Variants in MTMR3 observed in about 807,000 individuals in gnomAD.
The protein encoded by MTMR3 is myotubularin related protein 3.
In MTMR3, 32 loss-of-function variants were observed where a neutral mutation model predicts 132.4. That is an observed-to-expected ratio of 0.24 (90% CI 0.18 to 0.32). The LOEUF is 0.32. MTMR3 is among the 10% of genes least tolerant of loss of function. MTMR3 has a pLI of 1.00. For missense variants in MTMR3, 1,216 were observed against 1,489.6 expected, an observed-to-expected ratio of 0.82 and a Z score of 3.02; for synonymous variants, 556 against 550.3, an observed-to-expected ratio of 1.01 and a Z score of -0.14.
intron 1 of MTMR3, among the ~76,000 whole-genome samples, chr22:29,905,849 A>G (rs2065083399): frequency 6.6e-6 from 1 of 152,218 alleles, no homozygotes; most frequent in African/African-American, 2.4e-5. Flanking sequence ...AAACACTTGC[A>G]AAAGCATATT....
chr22:29,923,299 C>G (rs1463995200), intron 1 of MTMR3, among the ~76,000 whole-genome samples: 2 of 151,222 alleles, frequency 1.3e-5, no homozygotes, highest in Admixed American at 6.6e-5. Flanking sequence ...GTCTCAATCT[C>G]CTGGCCTTGT....
intron 5 of MTMR3, chr22:29,982,861 C>T (rs1341142121): frequency 2.0e-5 from 3 of 151,774 alleles, no homozygotes; most frequent in African/African-American, 7.3e-5. Context: ...TATATATTTA[C>T]AGACATAGTT....
At chr22:29,889,842 A>G (rs1007860467) in intron 1 of MTMR3, among the ~76,000 whole-genome samples, 4 of 151,780 alleles carry the variant, frequency 2.6e-5, no homozygotes, top group Admixed American at 1.3e-4. Context: ...TACTGTGATG[A>G]ACTCGTTTGG....
intron 11 of MTMR3, chr22:30,008,760 T>G: frequency 2.7e-6 from 1 of 370,260 alleles, no homozygotes; most frequent in South Asian, 4.9e-5. Flanking sequence ...TTTTAAAAAA[T>G]AATAGCTTTT....
chr22:29,962,905 T>C (rs2066339247), intron 2 of MTMR3, among the ~76,000 whole-genome samples: 1 of 140,484 alleles, frequency 7.1e-6, no homozygotes, highest in Admixed American at 6.9e-5. Flanking sequence ...CTTTCTCTCT[T>C]TTTTCTTTTT....
chr22:29,958,519 A>G (rs1379331464), intron 2 of MTMR3, among the ~76,000 whole-genome samples: 1 of 151,812 alleles, frequency 6.6e-6, no homozygotes, highest in Non-Finnish European at 1.5e-5. Flanking sequence ...ATACTCTCCA[A>G]GGTGCTTTTT....
At chr22:30,025,219 T>A (rs563473212) in intron 19 of MTMR3, 147 of 172,390 alleles carry the variant, frequency 8.5e-4, no homozygotes, top group Non-Finnish European at 1.6e-3. Context: ...TAGTTGTTTC[T>A]CTCGTTTGAG....
chr22:30,016,846 G>A, intron 15 of MTMR3, 148 bp downstream of exon 15: 1 of 935,530 alleles, frequency 1.1e-6, no homozygotes, highest in Non-Finnish European at 1.6e-6. Flanking sequence ...CCATGATTCT[G>A]TCCTGAGGAA....
At chr22:29,921,953 A>C (rs969442875) in intron 1 of MTMR3, among the ~76,000 whole-genome samples, 1 of 151,666 alleles carries the variant, frequency 6.6e-6, no homozygotes, top group African/African-American at 2.4e-5. Context: ...GGTTGAAGCA[A>C]ATTCTTGTGC....
At chr22:30,005,559 G>T (rs961022473) in intron 9 of MTMR3, 36 of 152,144 alleles carry the variant, frequency 2.4e-4, no homozygotes, top group African/African-American at 8.4e-4. Context: ...ATTTTATAAA[G>T]AATCATTGAG....
intron 1 of MTMR3, among the ~76,000 whole-genome samples, chr22:29,933,903 A>G (rs1602504980): frequency 6.6e-6 from 1 of 151,846 alleles, no homozygotes; most frequent in South Asian, 2.1e-4. Context: ...CTTTCTTACC[A>G]CCTCTCAATG....
At chr22:29,966,724 TGC>T (rs1250146881) in intron 2 of MTMR3, among the ~76,000 whole-genome samples, 1 of 95,392 alleles carries the variant, frequency 1.0e-5, no homozygotes, top group African/African-American at 5.3e-5. Context: ...TGTAGGGGTG[TGC>T]GTGTGTGTGT....
intron 1 of MTMR3, among the ~76,000 whole-genome samples, chr22:29,906,346 A>G (rs374427956): frequency 1.1e-4 from 17 of 149,812 alleles, no homozygotes; most frequent in African/African-American, 2.7e-4. Flanking sequence ...CTATCTATCT[A>G]TCTATGACGG....
At chr22:30,023,193 C>T in intron 19 of MTMR3, 2 of 513,904 alleles carry the variant, frequency 3.9e-6, no homozygotes, top group Non-Finnish European at 7.0e-6. Flanking sequence ...ACTTCTTTTT[C>T]CTTCTGGGTT....
chr22:30,025,423 C>T (rs1386054024), intron 19 of MTMR3: 4 of 588,686 alleles, frequency 6.8e-6, no homozygotes, highest in South Asian at 2.1e-5. Flanking sequence ...AATCCTTGGC[C>T]CCAAAGTGAA....
chr22:29,962,361 C>G (rs1434843317), intron 2 of MTMR3, among the ~76,000 whole-genome samples: 7 of 152,098 alleles, frequency 4.6e-5, no homozygotes, highest in African/African-American at 7.2e-5. Flanking sequence ...ATTTTAGGAC[C>G]TTTTCCTCAC....
chr22:29,946,898 A>G (rs1427697144), intron 1 of MTMR3, among the ~76,000 whole-genome samples: 1 of 152,330 alleles, frequency 6.6e-6, no homozygotes, highest in East Asian at 1.9e-4. Flanking sequence ...TTAATCTCAG[A>G]TATCACCAAT....
rs574356378 is a variant in MTMR3, at chr22:30,020,752, G to C, written c.3093G>C (p.Leu1031=). 1 of 1,614,224 alleles carries C rather than the reference G, an allele frequency of 6.2e-7. No individual in the cohort carries two copies. Among genetic ancestry groups the C allele is most frequent in the African/African-American group, 1.3e-5 (1 of 75,064 alleles). ...SVYTDTIQQR[L]RQIESGHQQE... is the part of the protein sequence containing the mutation. ...ACACAGACACGATCCAACAGCGCCT[G>C]CGTCAGATTGAGTCAGGCCACCAGC... is the stretch of plus-strand genomic sequence containing the variant. The change falls in exon 17 of 20, where the codon CTG becomes CTC. Residue 1031 remains leucine, a synonymous_variant. Transcript: ENST00000401950.
intron 1 of MTMR3, among the ~76,000 whole-genome samples, chr22:29,951,106 G>A (rs973218178): frequency 2.6e-5 from 4 of 151,946 alleles, no homozygotes; most frequent in Non-Finnish European, 5.9e-5. Context: ...AGCCAAGATC[G>A]CGCCATTGCA....
Sources: allele counts gnomAD v4.1 joint callset (sites outside exome capture counted in the v4.1 genomes callset), GRCh38; gene constraint gnomAD v4.1.1; transcripts MANE v1.5; gene names NCBI Gene and HGNC (gene_info 2026-07-23, HGNC 2026-07-21).